TCF7L1: variants seen among roughly 807,000 people sequenced by gnomAD.
TCF7L1 encodes transcription factor 7-like 1.
In TCF7L1, 18 loss-of-function variants were observed where a neutral mutation model predicts 63.7. That is an observed-to-expected ratio of 0.28 (90% confidence interval 0.20 to 0.42). TCF7L1 has a LOEUF of 0.42. TCF7L1 is among the 10% of genes least tolerant of loss of function. The probability of loss-of-function intolerance (pLI) is 1.00; values close to 1 mark genes in which losing one functional copy is unlikely to be tolerated. For missense variants in TCF7L1, 654 were observed against 779.3 expected, an observed-to-expected ratio of 0.84 and a Z score of 1.91; for synonymous variants, 355 against 340.9, an observed-to-expected ratio of 1.04 and a Z score of -0.46.
intron 3 of TCF7L1, among the ~76,000 whole-genome samples, chr2:85,173,605 C>T (rs1192405264): frequency 2.0e-5 from 3 of 152,258 alleles, no homozygotes; most frequent in Admixed American, 6.5e-5. Flanking sequence ...ACAGGGATAT[C>T]GAAGTCTCCT....
intron 7 of TCF7L1, among the ~76,000 whole-genome samples, chr2:85,304,726 A>G (rs1027078115): frequency 3.9e-5 from 6 of 152,198 alleles, no homozygotes; most frequent in South Asian, 4.1e-4. Flanking sequence ...ATCCAGACAT[A>G]ACCCCATCTA....
At chr2:85,273,786 C>A (rs1681209235) in intron 3 of TCF7L1, among the ~76,000 whole-genome samples, 1 of 152,108 alleles carries the variant, frequency 6.6e-6, no homozygotes, top group African/African-American at 2.4e-5. Context: ...CTCCTGTAAC[C>A]CAGGAGGAGG....
In TCF7L1 at chr2:85,309,266, C is replaced by G; in HGVS notation, c.1571C>G (p.Ser524Trp). 1 of 1,613,852 alleles carries G rather than the reference C, an allele frequency of 6.2e-7. No individual in the cohort carries two copies. Among genetic ancestry groups the G allele is most frequent in the Non-Finnish European group, 8.5e-7 (1 of 1,179,990 alleles). ...GCTCTCCACTCTGCCGCCTTCCTGT[C>G]GGCTAAGGCTGCAGCCTCCTCCTCT... ...QLALHSAAFL[S>W]AKAAASSSGQ... Residue 524 changes from serine to tryptophan, a missense_variant, in exon 12 of 12, where the codon TCG becomes TGG. By Grantham distance (177) the Ser-to-Trp change is radical. Coordinates refer to ENST00000282111, the MANE Select transcript of TCF7L1 (RefSeq NM_031283.3).
At chr2:85,198,308 A>G (rs1572988196) in intron 3 of TCF7L1, among the ~76,000 whole-genome samples, 2 of 152,332 alleles carry the variant, frequency 1.3e-5, no homozygotes, top group African/African-American at 4.8e-5. Flanking sequence ...ATAGAAAATC[A>G]TTGAGCAATT....
At chr2:85,290,138 A>G (rs1681671947) in intron 4 of TCF7L1, among the ~76,000 whole-genome samples, 2 of 150,162 alleles carry the variant, frequency 1.3e-5, no homozygotes, top group South Asian at 2.1e-4. Flanking sequence ...GCCACCACAC[A>G]TGGCTAATTT....
At chr2:85,149,816 C>T (rs1424127677) in intron 3 of TCF7L1, among the ~76,000 whole-genome samples, 1 of 152,216 alleles carries the variant, frequency 6.6e-6, no homozygotes, top group South Asian at 2.1e-4. Context: ...TGAGCCACCG[C>T]GCCCGGCTCT....
chr2:85,302,371 T>C, intron 4 of TCF7L1, 113 bp from the exon 5 acceptor site: 1 of 1,454,376 alleles, frequency 6.9e-7, no homozygotes, highest in South Asian at 1.2e-5. Flanking sequence ...TTTTGAGGAC[T>C]GAATGGGATG....
chr2:85,194,477 C>T (rs961113125), intron 3 of TCF7L1, among the ~76,000 whole-genome samples: 3 of 152,098 alleles, frequency 2.0e-5, no homozygotes, highest in Non-Finnish European at 4.4e-5. Flanking sequence ...GAGGAGAAAC[C>T]AAGTCTGCCA....
intron 3 of TCF7L1, among the ~76,000 whole-genome samples, chr2:85,159,292 G>A (rs899761790): frequency 2.0e-5 from 3 of 152,048 alleles, no homozygotes; most frequent in African/African-American, 4.8e-5. Context: ...GTGCCCAGGC[G>A]CCCGGGGCTC....
At chr2:85,297,744 C>T (rs970596985) in intron 4 of TCF7L1, among the ~76,000 whole-genome samples, 1 of 151,904 alleles carries the variant, frequency 6.6e-6, no homozygotes, top group Non-Finnish European at 1.5e-5. Flanking sequence ...GAGGTCACAC[C>T]ACTACACTCC....
intron 3 of TCF7L1, among the ~76,000 whole-genome samples, chr2:85,259,156 G>T (rs1021708944): frequency 6.6e-6 from 1 of 152,228 alleles, no homozygotes. Context: ...GCTGCGCATG[G>T]TGGATGCACA....
At chr2:85,204,057 T>C (rs1679337607) in intron 3 of TCF7L1, among the ~76,000 whole-genome samples, 1 of 152,160 alleles carries the variant, frequency 6.6e-6, no homozygotes, top group Non-Finnish European at 1.5e-5. Flanking sequence ...ATTCTTTTTA[T>C]ATTTAATAAA....
At chr2:85,273,578 G>T (rs1335987775) in intron 3 of TCF7L1, among the ~76,000 whole-genome samples, 2 of 152,222 alleles carry the variant, frequency 1.3e-5, no homozygotes, top group South Asian at 4.1e-4. Flanking sequence ...TGTCAACTGG[G>T]AGAAATTTAA....
Position 85,241,431 on chromosome 2 carries a change from G to GTTTT in TCF7L1, c.442-42062_442-42059dup, listed in dbSNP as rs1273488175. ...TGATCCAGAGGACTGGATGCACTTT[G>GTTTT]TTTTTGTTTTTTTTTTTTTTTTTTT... On this transcript the variant is annotated intron_variant, in intron 3 of 11. Transcript: ENST00000282111. Among the ~76,000 whole-genome samples, 521 of 68,740 alleles carry GTTTT rather than the reference G, an allele frequency of 7.6e-3. 58 individuals carry two copies. The highest frequency in any genetic ancestry group is 0.026 in the African/African-American group (496 of 19,214). The allele number at this position is 68,740 out of a possible 152,430, so 45.1% of individuals were successfully genotyped here.
intron 3 of TCF7L1, among the ~76,000 whole-genome samples, chr2:85,275,481 T>C (rs1464068152): frequency 6.6e-6 from 1 of 152,166 alleles, no homozygotes; most frequent in African/African-American, 2.4e-5. Context: ...GACACCTAAT[T>C]GACACACTCT....
chr2:85,255,021 C>G (rs907055336), intron 3 of TCF7L1, among the ~76,000 whole-genome samples: 5 of 152,184 alleles, frequency 3.3e-5, no homozygotes, highest in African/African-American at 1.2e-4. Context: ...AGGGTGGAAA[C>G]TGTAGCCAGA....
intron 3 of TCF7L1, among the ~76,000 whole-genome samples, chr2:85,188,001 G>C (rs1678963003): frequency 6.6e-6 from 1 of 152,142 alleles, no homozygotes; most frequent in East Asian, 1.9e-4. Context: ...GAGCCTCAAG[G>C]AAATGATGCT....
intron 3 of TCF7L1, among the ~76,000 whole-genome samples, chr2:85,142,511 A>C (rs952894271): frequency 6.6e-6 from 1 of 150,694 alleles, no homozygotes; most frequent in African/African-American, 2.4e-5. Flanking sequence ...CACACACACA[A>C]CACAGACACA....
At chr2:85,268,601 C>G (rs1681066971) in intron 3 of TCF7L1, among the ~76,000 whole-genome samples, 1 of 151,430 alleles carries the variant, frequency 6.6e-6, no homozygotes, top group South Asian at 2.1e-4. Flanking sequence ...GCCACCATGC[C>G]CGGCTAGTTT....
Sources: gnomAD v4.1 joint callset for allele counts (sites outside exome capture counted in the v4.1 genomes callset) on GRCh38, gnomAD v4.1.1 for gene constraint, MANE v1.5 for transcripts, NCBI Gene and HGNC (gene_info 2026-07-23, HGNC 2026-07-21) for gene names.